Variants in DCTN5 observed in about 807,000 individuals in gnomAD.
DCTN5 encodes the protein dynactin subunit 5.
A neutral mutation model predicts 23.5 loss-of-function variants in DCTN5; 14 were observed. The observed-to-expected ratio is 0.60, with a 90% CI of 0.39 to 0.93. DCTN5 has a LOEUF of 0.93. Among genes scored for constraint, DCTN5 ranks in the 40% least tolerant of loss-of-function variants. The probability of loss-of-function intolerance (pLI) is 0.00; values close to 1 mark genes in which losing one functional copy is unlikely to be tolerated. For missense variants in DCTN5, 156 were observed against 225.9 expected, an observed-to-expected ratio of 0.69 and a Z score of 1.98; for synonymous variants, 67 against 79.6, an observed-to-expected ratio of 0.84 and a Z score of 0.84.
Position 23,667,373 on chromosome 16 carries a change from T to C in DCTN5, c.*229T>C, listed in dbSNP as rs1242268784. 4 of 556,404 alleles carry C rather than the reference T, an allele frequency of 7.2e-6. No individual in the cohort carries two copies. The highest frequency in any genetic ancestry group is 6.1e-5 in the East Asian group (2 of 32,972). 34.5% of individuals were successfully genotyped at this position (556,404 alleles called of 1,614,324 possible). A position where few individuals can be genotyped will look rare whatever the true frequency, so the allele number is the denominator to read the frequency against. On this transcript the variant is annotated 3_prime_UTR_variant, in exon 6 of 6. Transcript: ENST00000300087. Reference sequence around the variant, plus strand: ...CTTCAAATGCTGTGCTTACACCTTATCTATGAACAGTCACTTTGTACCATT... The same window carrying C: ...CTTCAAATGCTGTGCTTACACCTTACCTATGAACAGTCACTTTGTACCATT...
rs1567228385 is a variant in DCTN5, at chr16:23,645,114, TATATATATATATA to T, written c.117+2092_117+2104del. Among the ~76,000 whole-genome samples the T allele has an allele frequency of 5.7e-3, 232 of 40,674 alleles. 7 individuals carry two copies. The highest frequency in any genetic ancestry group is 7.9e-3 in the Non-Finnish European group (172 of 21,744). 26.7% of individuals were successfully genotyped at this position (40,674 alleles called of 152,430 possible). On this transcript the variant is annotated intron_variant, in intron 2 of 5. Transcript: ENST00000300087. ...ATATATATATATATATATATATATA[TATATATATATATA>T]TATATATATATTTTTTTTTTTTTTA...
At chr16:23,654,963 TATGTATATATACTACA>T (rs1201333671) in intron 2 of DCTN5, among the ~76,000 whole-genome samples, 1 of 152,220 alleles carries the variant, frequency 6.6e-6, no homozygotes, top group Admixed American at 6.5e-5. Flanking sequence ...AATATTCCAT[TATGTATATATACTACA>T]TTTTCTTCAC....
chr16:23,666,036 C>CTTTTTT, intron 5 of DCTN5: 1 of 293,646 alleles, frequency 3.4e-6, no homozygotes, highest in South Asian at 5.2e-5. Flanking sequence ...AGGGGTGATA[C>CTTTTTT]TCATGTCGGG....
chr16:23,646,830 C>T (rs183483693), intron 2 of DCTN5, among the ~76,000 whole-genome samples: 5 of 152,216 alleles, frequency 3.3e-5, no homozygotes, highest in African/African-American at 4.8e-5. Flanking sequence ...CCAGCCTCGG[C>T]GTCCCAAAGT....
intron 1 of DCTN5, 48 bp from the exon 2 acceptor site, chr16:23,642,907 G>C (rs1183780217): frequency 1.9e-6 from 3 of 1,550,764 alleles, no homozygotes; most frequent in Non-Finnish European, 8.9e-7. Flanking sequence ...CTGTAGTCCA[G>C]AAACCTATTA....
chr16:23,656,997 A>AT (rs920847125), intron 2 of DCTN5, among the ~76,000 whole-genome samples: 4 of 152,114 alleles, frequency 2.6e-5, no homozygotes, highest in African/African-American at 9.6e-5. Flanking sequence ...CTCAAAAAAA[A>AT]AAAAAAATAA....
chr16:23,646,156 G>T (rs918797691), intron 2 of DCTN5, among the ~76,000 whole-genome samples: 2 of 151,978 alleles, frequency 1.3e-5, no homozygotes, highest in Admixed American at 1.3e-4. Flanking sequence ...ATCTCATAGT[G>T]GTTTTGATTT....
In DCTN5 at chr16:23,669,981, A is replaced by G. The variant is rs1967978310; in HGVS notation, c.*2837A>G. 1 of 152,058 alleles carries G rather than the reference A, an allele frequency of 6.6e-6. No homozygotes were observed. The highest frequency in any genetic ancestry group is 1.5e-5 in the Non-Finnish European group (1 of 68,032). The allele number at this position is 152,058 out of a possible 1,614,324, so 9.4% of individuals were successfully genotyped here. On this transcript the variant is annotated 3_prime_UTR_variant, in exon 6 of 6. Transcript: ENST00000300087. ...CTTACCGAGGCGCCCTTATCAATAG[A>G]GTTTTAGTTATGTACCTGTGTTCTT...
At chr16:23,655,681 A>C (rs1294382767) in intron 2 of DCTN5, among the ~76,000 whole-genome samples, 1 of 151,740 alleles carries the variant, frequency 6.6e-6, no homozygotes, top group African/African-American at 2.4e-5. Flanking sequence ...AGTAGCTGGG[A>C]CTACAGGTGC....
intron 2 of DCTN5, among the ~76,000 whole-genome samples, chr16:23,647,872 CAT>C (rs1967503863): frequency 6.6e-6 from 1 of 152,070 alleles, no homozygotes; most frequent in Non-Finnish European, 1.5e-5. Context: ...ATATATGTGA[CAT>C]ATATGTCATA....
chr16:23,670,479 C>G lies in DCTN5; in HGVS notation c.*3335C>G, dbSNP rs893795380. The G allele has an allele frequency of 6.6e-6, 1 of 152,138 alleles. No homozygotes were observed. Among genetic ancestry groups the G allele is most frequent in the Non-Finnish European group, 1.5e-5 (1 of 68,044 alleles). 9.4% of individuals were successfully genotyped at this position (152,138 alleles called of 1,614,324 possible). The stretch of plus-strand genomic sequence containing the variant: ...GGTCTTGGTGGCTAGGGAGGCCTTT[C>G]TCTGTATCCTGTTCTATCCAGTGAG... On this transcript the variant is annotated 3_prime_UTR_variant, in exon 6 of 6. Coordinates refer to ENST00000300087, the MANE Select transcript of DCTN5 (RefSeq NM_032486.4).
chr16:23,656,515 A>G (rs1967706926), intron 2 of DCTN5, among the ~76,000 whole-genome samples: 2 of 152,226 alleles, frequency 1.3e-5, no homozygotes, highest in South Asian at 4.1e-4. Context: ...GTCACTATCC[A>G]GTTGAATTCT....
chr16:23,660,609 C>A (rs1967791922), intron 3 of DCTN5, among the ~76,000 whole-genome samples: 1 of 152,194 alleles, frequency 6.6e-6, no homozygotes, highest in Non-Finnish European at 1.5e-5. Flanking sequence ...TCACAGTTGT[C>A]ACTACTTACT....
intron 3 of DCTN5, among the ~76,000 whole-genome samples, chr16:23,659,271 A>G (rs1045784029): frequency 6.6e-6 from 1 of 152,212 alleles, no homozygotes; most frequent in African/African-American, 2.4e-5. Flanking sequence ...CTGATCCTTC[A>G]GTGGGAATAA....
Position 23,665,635 on chromosome 16 carries a change from T to C in DCTN5, c.358T>C (p.Cys120Arg). The C allele has an allele frequency of 6.2e-7, 1 of 1,613,088 alleles. No homozygotes were observed. The highest frequency in any genetic ancestry group is 8.5e-7 in the Non-Finnish European group (1 of 1,179,820). Residue 120 changes from cysteine to arginine, a missense_variant, in exon 5 of 6, where the codon TGT becomes CGT. By Grantham distance (180) the Cys-to-Arg change is radical. Around this residue, in one of 2 missense-constraint regions of DCTN5, gnomAD observed 153 missense variants for 206.8 expected, o/e 0.74. Coordinates refer to ENST00000300087, the MANE Select transcript of DCTN5 (RefSeq NM_032486.4). The part of the protein sequence containing the change: ...VGKNCVIGRR[C>R]VLKDCCKILD... ...AAGATTTTAATTTCAGGGGCGCCGATGTGTGTTGAAAGACTGCTGCAAAAT... is the reference window on the plus strand; with the variant it reads ...AAGATTTTAATTTCAGGGGCGCCGACGTGTGTTGAAAGACTGCTGCAAAAT...
rs954434948 is a variant in DCTN5, at chr16:23,673,784, G to A, written c.*6640G>A. On this transcript the variant is annotated 3_prime_UTR_variant, in exon 6 of 6. Coordinates refer to ENST00000300087, the MANE Select transcript of DCTN5 (RefSeq NM_032486.4). ...GGCTGTAACTGATTATTTTTGCTGT[G>A]ATTCGTGCTTACTGGAGCCTCGGGA... 1 of 152,204 alleles carries A rather than the reference G, an allele frequency of 6.6e-6. No individual in the cohort carries two copies. The highest frequency in any genetic ancestry group is 2.4e-5 in the African/African-American group (1 of 41,448). 9.4% of individuals were successfully genotyped at this position (152,204 alleles called of 1,614,324 possible).
chr16:23,655,524 T>C (rs1381285330), intron 2 of DCTN5, among the ~76,000 whole-genome samples: 1 of 151,814 alleles, frequency 6.6e-6, no homozygotes, highest in Non-Finnish European at 1.5e-5. Flanking sequence ...TATAGGCACG[T>C]GCCACCATGC....
intron 2 of DCTN5, among the ~76,000 whole-genome samples, chr16:23,652,811 A>G (rs1967629566): frequency 6.6e-6 from 1 of 152,222 alleles, no homozygotes; most frequent in Non-Finnish European, 1.5e-5. Flanking sequence ...TTTTGGGGGC[A>G]CATGATAATT....
Position 23,664,889 on chromosome 16 carries a change from T to C in DCTN5, c.349-737T>C, listed in dbSNP as rs1967877533. Reference sequence around the variant, plus strand: ...CAACCTTAAGCTGGTGGATGTGGAGTGGAATGGGTGGTGAATATAAACCAA... The same window carrying C: ...CAACCTTAAGCTGGTGGATGTGGAGCGGAATGGGTGGTGAATATAAACCAA... On this transcript the variant is annotated intron_variant, in intron 4 of 5. Transcript: ENST00000300087. Among the ~76,000 whole-genome samples, 3 of 151,816 alleles carry C rather than the reference T, an allele frequency of 2.0e-5. 1 individual carries two copies. In the South Asian group the frequency reaches 6.2e-4, roughly 32 times the overall value.
Sources: allele counts gnomAD v4.1 joint callset (sites outside exome capture counted in the v4.1 genomes callset), GRCh38; gene constraint gnomAD v4.1.1; regional missense constraint gnomAD v4.1.1; transcripts MANE v1.5; gene names NCBI Gene and HGNC (gene_info 2026-07-23, HGNC 2026-07-21).